NR3C2: variants seen among roughly 807,000 people sequenced by gnomAD.
The protein encoded by NR3C2 is mineralocorticoid receptor.
Under a neutral mutation model 86.4 loss-of-function variants are expected in NR3C2, and 15 were observed. The observed-to-expected ratio is 0.17, with a 90% CI of 0.12 to 0.27. NR3C2 has a LOEUF of 0.27. NR3C2 is among the 10% of genes least tolerant of loss of function. NR3C2 has a pLI of 1.00. For missense variants in NR3C2, 960 were observed against 1,195.6 expected, an observed-to-expected ratio of 0.80 and a Z score of 2.91; for synonymous variants, 458 against 450.5, an observed-to-expected ratio of 1.02 and a Z score of -0.21.
At chr4:148,269,418 TA>T (rs539112094) in intron 2 of NR3C2, among the ~76,000 whole-genome samples, 3 of 151,520 alleles carry the variant, frequency 2.0e-5, no homozygotes, top group South Asian at 4.2e-4. Context: ...TATATTAAAG[TA>T]AAAAAAAATC....
intron 2 of NR3C2, among the ~76,000 whole-genome samples, chr4:148,358,328 G>A (rs1745657512): frequency 6.6e-6 from 1 of 151,974 alleles, no homozygotes; most frequent in South Asian, 2.1e-4. Flanking sequence ...GTAGGGACAT[G>A]GATGAAATTG....
chr4:148,286,585 C>T (rs568067188), intron 2 of NR3C2, among the ~76,000 whole-genome samples: 4 of 152,214 alleles, frequency 2.6e-5, no homozygotes, highest in Non-Finnish European at 5.9e-5. Flanking sequence ...AGGAGAGATG[C>T]ACCTCTTTCC....
At chr4:148,238,970 C>CT (rs1738880350) in intron 3 of NR3C2, among the ~76,000 whole-genome samples, 1 of 152,172 alleles carries the variant, frequency 6.6e-6, no homozygotes, top group Admixed American at 6.5e-5. Context: ...ACAGGGAACT[C>CT]TGAGTCCAAG....
intron 7 of NR3C2, among the ~76,000 whole-genome samples, chr4:148,117,983 T>C (rs1274418077): frequency 6.6e-6 from 1 of 152,134 alleles, no homozygotes; most frequent in African/African-American, 2.4e-5. Context: ...ATCTGGAACA[T>C]TTCTCAGTTT....
At chr4:148,138,986 C>T (rs752285308) in intron 6 of NR3C2, among the ~76,000 whole-genome samples, 9 of 152,208 alleles carry the variant, frequency 5.9e-5, no homozygotes, top group Admixed American at 3.3e-4. Flanking sequence ...TGAGATGATG[C>T]GGCAGGAAGG....
At chr4:148,387,872 G>C (rs1747349077) in intron 2 of NR3C2, among the ~76,000 whole-genome samples, 1 of 152,184 alleles carries the variant, frequency 6.6e-6, no homozygotes, top group Admixed American at 6.5e-5. Flanking sequence ...TGTGGAGCAA[G>C]CAGTATTTTA....
At chr4:148,133,814 G>A (rs376063324) in intron 6 of NR3C2, among the ~76,000 whole-genome samples, 15 of 152,334 alleles carry the variant, frequency 9.8e-5, no homozygotes, top group Non-Finnish European at 1.8e-4. Flanking sequence ...TGCAGTGTGC[G>A]AATGTGTTGG....
intron 2 of NR3C2, chr4:148,368,575 CCTT>C (rs1196303792): frequency 6.6e-6 from 1 of 152,014 alleles, no homozygotes; most frequent in Non-Finnish European, 1.5e-5. Context: ...TGTATTTAAT[CCTT>C]CCCTGGCCCT....
At chr4:148,358,968 GCACA>G (rs4027011) in intron 2 of NR3C2, among the ~76,000 whole-genome samples, 23 of 150,582 alleles carry the variant, frequency 1.5e-4, no homozygotes, top group African/African-American at 2.2e-4. Flanking sequence ...TTACACACAC[GCACA>G]CACACACACA....
chr4:148,167,880 C>T (rs58395544), intron 4 of NR3C2, among the ~76,000 whole-genome samples: 4,865 of 152,244 alleles, frequency 0.032, 262 homozygotes, highest in African/African-American at 0.11. Flanking sequence ...CCCAGCATCA[C>T]GCTGATAACA....
At chr4:148,442,520 T>C (rs1750405673), upstream of NR3C2, 2 of 416,744 alleles carry the variant, frequency 4.8e-6, no homozygotes, top group African/African-American at 2.2e-5. Context: ...CTGGCCCTTT[T>C]AAAAGCGGGT....
At chr4:148,370,373 TA>T (rs200829719) in intron 2 of NR3C2, among the ~76,000 whole-genome samples, 3 of 150,964 alleles carry the variant, frequency 2.0e-5, no homozygotes, top group African/African-American at 2.4e-5. Context: ...AATTCAACAG[TA>T]AAAAAAAAAT....
At chr4:148,188,650 T>C (rs1372757891) in intron 4 of NR3C2, among the ~76,000 whole-genome samples, 1 of 152,138 alleles carries the variant, frequency 6.6e-6, no homozygotes, top group Non-Finnish European at 1.5e-5. Context: ...CTTAGGGTTT[T>C]CAAGGTCAAC....
At chr4:148,426,723 A>G (rs1485853887) in intron 2 of NR3C2, among the ~76,000 whole-genome samples, 1 of 152,154 alleles carries the variant, frequency 6.6e-6, no homozygotes, top group African/African-American at 2.4e-5. Context: ...TCCCTGGGTA[A>G]TATTACTTTT....
At chr4:148,358,347 CATT>C (rs989559746) in intron 2 of NR3C2, among the ~76,000 whole-genome samples, 2 of 151,898 alleles carry the variant, frequency 1.3e-5, no homozygotes, top group Non-Finnish European at 2.9e-5. Context: ...TGGAAATCAT[CATT>C]GTCAGTCAAA....
intron 6 of NR3C2, among the ~76,000 whole-genome samples, chr4:148,123,359 T>G (rs774421974): frequency 2.6e-5 from 4 of 152,220 alleles, no homozygotes; most frequent in Non-Finnish European, 5.9e-5. Flanking sequence ...CCCTTTGCCT[T>G]GTGATCTTTG....
At chr4:148,217,356 T>A (rs116532585) in intron 3 of NR3C2, among the ~76,000 whole-genome samples, 1 of 152,194 alleles carries the variant, frequency 6.6e-6, no homozygotes, top group African/African-American at 2.4e-5. Flanking sequence ...TCTTAGGACA[T>A]GCACAGGAAA....
chr4:148,252,321 C>T (rs546040132), intron 3 of NR3C2, among the ~76,000 whole-genome samples: 4 of 152,148 alleles, frequency 2.6e-5, no homozygotes, highest in East Asian at 3.9e-4. Flanking sequence ...TTAGATTCAA[C>T]GATATTACCT....
intron 2 of NR3C2, among the ~76,000 whole-genome samples, chr4:148,272,252 T>C (rs1740723329): frequency 6.6e-6 from 1 of 152,214 alleles, no homozygotes. Context: ...AATTCCGCAT[T>C]ACCTCCTCAC....
Sources: gnomAD v4.1 joint callset for allele counts (sites outside exome capture counted in the v4.1 genomes callset) on GRCh38, gnomAD v4.1.1 for gene constraint, MANE v1.5 for transcripts, NCBI Gene and HGNC (gene_info 2026-07-23, HGNC 2026-07-21) for gene names.